Variants in MTMR4 observed in about 807,000 individuals in gnomAD.
The protein encoded by MTMR4 is myotubularin related protein 4.
Under a neutral mutation model 125.5 loss-of-function variants are expected in MTMR4, and 30 were observed. That is an observed-to-expected ratio of 0.24 (90% CI 0.18 to 0.32). The LOEUF (loss-of-function observed/expected upper bound fraction) is 0.32, where lower values mean the gene tolerates loss of function less well. Among genes scored for constraint, MTMR4 ranks in the 10% least tolerant of loss-of-function variants. MTMR4 has a pLI of 1.00. For missense variants in MTMR4, 1,039 were observed against 1,511.5 expected (o/e 0.69, Z 5.18); for synonymous variants, 498 against 564.5 (o/e 0.88, Z 1.67).
intron 7 of MTMR4, 33 bp from the exon 8 acceptor site, chr17:58,507,352 G>A (rs1458185858): frequency 6.3e-7 from 1 of 1,597,178 alleles, no homozygotes; most frequent in Non-Finnish European, 8.5e-7. Flanking sequence ...AATGCCCTTG[G>A]CATTCGAAGC....
upstream of MTMR4, chr17:58,514,952 C>T: frequency 3.2e-6 from 3 of 949,516 alleles, no homozygotes; most frequent in Non-Finnish European, 3.8e-6. Context: ...CTACCCGCAC[C>T]CCATTTGCTT....
intron 14 of MTMR4, among the ~76,000 whole-genome samples, chr17:58,498,501 AAGG>A (rs1337661784): frequency 3.9e-5 from 5 of 126,850 alleles, no homozygotes; most frequent in Non-Finnish European, 8.1e-5. Context: ...GAAGAAGAAG[AAGG>A]AGGAGGAGAA....
rs764814459 is a variant in MTMR4 at position 58,496,059 on chromosome 17, G to A, written c.2125C>T (p.His709Tyr). The A allele has an allele frequency of 1.2e-6, 2 of 1,614,052 alleles. No individual in the cohort carries two copies. The highest frequency in any genetic ancestry group is 1.7e-6 in the Non-Finnish European group (2 of 1,180,026). Residue 709 changes from histidine (H) to tyrosine (Y), a missense_variant, in exon 15 of 18, where the codon CAC becomes TAC. Coordinates refer to ENST00000682306, the MANE Select transcript of MTMR4 (RefSeq NM_001378067.1). Reference protein sequence around the residue: ...DYLSNKPFKSHKSCSPSYKLL... With the variant: ...DYLSNKPFKSYKSCSPSYKLL... Reference sequence around the variant, plus strand: ...TTGTAACTTGGAGAACAGCTTTTGTGACTCTTGAAAGGTTTATTGCTCAAG... The same window carrying A: ...TTGTAACTTGGAGAACAGCTTTTGTAACTCTTGAAAGGTTTATTGCTCAAG...
chr17:58,490,818 G>T lies in MTMR4; in HGVS notation c.*845C>A, dbSNP rs1209836959. The T allele has an allele frequency of 2.0e-5, 3 of 152,638 alleles. No homozygotes were observed. Among genetic ancestry groups the T allele is most frequent in the Non-Finnish European group, 4.4e-5 (3 of 68,038 alleles). The allele number at this position is 152,638 out of a possible 1,614,324, so 9.5% of individuals were successfully genotyped here. A position where few individuals can be genotyped will look rare whatever the true frequency, so the allele number is the denominator to read the frequency against. On this transcript the variant is annotated 3_prime_UTR_variant, in exon 18 of 18. Coordinates refer to ENST00000682306, the MANE Select transcript of MTMR4 (RefSeq NM_001378067.1). ...CACCAGGACAACTAGGAAAAGTCAGGTGCAAAGAGTAGGGCACAATCAGCA... is the reference window on the plus strand; with the variant it reads ...CACCAGGACAACTAGGAAAAGTCAGTTGCAAAGAGTAGGGCACAATCAGCA...
chr17:58,499,525 G>C (rs1975563508), intron 14 of MTMR4, among the ~76,000 whole-genome samples: 1 of 152,012 alleles, frequency 6.6e-6, no homozygotes, highest in Non-Finnish European at 1.5e-5. Flanking sequence ...CTGGGCAATG[G>C]AGCGAGAAAA....
chr17:58,492,748 G>T, intron 16 of MTMR4, 94 bp downstream of exon 16: 1 of 1,348,874 alleles, frequency 7.4e-7, no homozygotes, highest in Non-Finnish European at 1.1e-6. Flanking sequence ...CTCCTCTGGG[G>T]GACAGCTCAG....
At chr17:58,506,196 T>C (rs1371752558) in intron 9 of MTMR4, among the ~76,000 whole-genome samples, 1 of 152,224 alleles carries the variant, frequency 6.6e-6, no homozygotes, top group Admixed American at 6.5e-5. Context: ...CTTCTTTTTC[T>C]TTTTTAAGAC....
At chr17:58,507,918 T>TACACACACAC (rs57157273) in intron 7 of MTMR4, 1 of 341,462 alleles carries the variant, frequency 2.9e-6, no homozygotes, top group Non-Finnish European at 5.5e-6. Context: ...TACTATTTTA[T>TACACACACAC]ACACACACAC....
chr17:58,495,159 G>A lies in MTMR4; in HGVS notation c.3025C>T (p.Pro1009Ser), dbSNP rs764546661. 3.4e-5 allele frequency: 55 copies of A among 1,614,124 alleles called. 1 individual carries two copies. The highest frequency in any genetic ancestry group is 4.6e-5 in the Non-Finnish European group (54 of 1,180,060). ...GGAGAAGGGCAGTTCAGTGGAACGG[G>A]CTTTGTGCTAGAGACTTGCTTTGGA... ...SHPKQVSSTKPVPLNCPSPVP... is the reference protein window; with the variant it reads ...SHPKQVSSTKSVPLNCPSPVP... The change falls in exon 15 of 18, where the codon CCC becomes TCC. Residue 1009 changes from proline (P) to serine (S), a missense_variant. By Grantham distance (74) the Pro-to-Ser change is moderately conservative (BLOSUM62 -1). This residue lies in a region of MTMR4 where 619 missense variants were observed against 714.5 expected (regional missense o/e 0.87). Coordinates refer to ENST00000682306, the MANE Select transcript of MTMR4 (RefSeq NM_001378067.1).
intron 4 of MTMR4, among the ~76,000 whole-genome samples, chr17:58,509,735 G>A (rs924069722): frequency 1.3e-5 from 2 of 152,050 alleles, no homozygotes; most frequent in Admixed American, 1.3e-4. Context: ...GGAGTACTAA[G>A]CAACACATTT....
At chr17:58,501,698 A>G (rs1598217576) in intron 14 of MTMR4, among the ~76,000 whole-genome samples, 1 of 151,908 alleles carries the variant, frequency 6.6e-6, no homozygotes, top group East Asian at 1.9e-4. Flanking sequence ...GTATATATGT[A>G]TATATATCCT....
rs1975713621 is a variant in MTMR4, at chr17:58,504,099, G to A, written c.1649C>T (p.Ala550Val). Reference sequence around the variant, plus strand: ...GAAGTTATGAAAGTTTTTATTGCCAGCTCGAAGGAGCGCCCACACAGAGCA... The same window carrying A: ...GAAGTTATGAAAGTTTTTATTGCCAACTCGAAGGAGCGCCCACACAGAGCA... The part of the protein sequence containing the change: ...RTCSVWALLR[A>V]GNKNFHNFLY... The change falls in exon 13 of 18, where the codon GCT (alanine) becomes GTT (valine). Residue 550 changes from alanine (A) to valine (V), a missense_variant. Physicochemically the swap from Ala to Val is moderately conservative, Grantham distance 64 (BLOSUM62 0). Around this residue, in one of 6 missense-constraint regions of MTMR4, gnomAD observed 619 missense variants for 714.5 expected, o/e 0.87. Transcript: ENST00000682306. The surrounding 1 kb of genome is among the most constrained non-coding windows in gnomAD (Gnocchi z 7.1). 2 of 1,591,360 alleles carry A rather than the reference G, an allele frequency of 1.3e-6. No homozygotes were observed. Among genetic ancestry groups the A allele is most frequent in the South Asian group, 1.1e-5 (1 of 87,636 alleles).
At chr17:58,499,684 C>G (rs559719811) in intron 14 of MTMR4, among the ~76,000 whole-genome samples, 4 of 150,920 alleles carry the variant, frequency 2.7e-5, no homozygotes, top group African/African-American at 9.8e-5. Flanking sequence ...TGCAGTGGCG[C>G]GATCTCTGCT....
At chr17:58,517,038 A>C (rs1287953168), upstream of MTMR4, among the ~76,000 whole-genome samples, 1 of 152,238 alleles carries the variant, frequency 6.6e-6, no homozygotes, top group African/African-American at 2.4e-5. Flanking sequence ...GCATGAATCC[A>C]CAGGAATGTT....
chr17:58,495,875 G>A lies in MTMR4; in HGVS notation c.2309C>T (p.Pro770Leu). 1 of 1,614,152 alleles carries A rather than the reference G, an allele frequency of 6.2e-7. No homozygotes were observed. The highest frequency in any genetic ancestry group is 1.1e-5 in the South Asian group (1 of 91,084). Residue 770 changes from proline (P) to leucine (L), a missense_variant, in exon 15 of 18, where the codon CCT (proline) becomes CTT (leucine). Physicochemically the swap from Pro to Leu is moderately conservative, Grantham distance 98. This residue lies in a region of MTMR4 where 619 missense variants were observed against 714.5 expected (regional missense o/e 0.87). Transcript: ENST00000682306. ...DGIGEPPEHC[P>L]ETEAVSALSK... The stretch of plus-strand genomic sequence containing the variant: ...GAGTGCACTGACAGCTTCTGTTTCA[G>A]GACAATGTTCAGGTGGCTCCCCTAT...
At chr17:58,511,384 C>T (rs1455091399) in intron 4 of MTMR4, 45 bp downstream of exon 4, 1 of 1,527,558 alleles carries the variant, frequency 6.5e-7, no homozygotes, top group South Asian at 1.2e-5. Context: ...GAGAACTGGA[C>T]AAGACTAGGG....
Position 58,508,768 on chromosome 17 carries a change from T to G in MTMR4, c.409A>C (p.Lys137Gln), listed in dbSNP as rs889390977. 4.3e-6 allele frequency: 7 copies of G among 1,614,062 alleles called. No individual in the cohort carries two copies. In the Admixed American group the frequency reaches 8.3e-5, roughly 19 times the overall value. ...GCAAAGGCAAAGAGGTCTTCAGGCT[T>G]GGCAGGTCTTGCTGTGGCTCGGCTT... is the stretch of plus-strand genomic sequence containing the variant. ...RLSRATARPA[K>Q]PEDLFAFAYH... The change falls in exon 5 of 18, where the codon AAG (lysine) becomes CAG (glutamine). Residue 137 changes from lysine (K) to glutamine (Q), a missense_variant. Lys to Gln is a moderately conservative substitution (Grantham distance 53). Transcript: ENST00000682306. The surrounding 1 kb of genome is among the most constrained non-coding windows in gnomAD (Gnocchi z 4.8).
chr17:58,512,905 C>CTTGGATGTA lies in MTMR4; in HGVS notation c.73_81dup (p.Tyr25_Gln27dup). ...TCCTTGGGGGGGAACAGATCCTTGG[C>CTTGGATGTA]TTGGATGTACTCCAGGCTGGGGGGC... On this transcript the variant is annotated inframe_insertion, in exon 2 of 18. Transcript: ENST00000682306. The surrounding 1 kb of genome is among the most constrained non-coding windows in gnomAD (Gnocchi z 4.1). 6.2e-7 allele frequency: 1 copy of CTTGGATGTA among 1,611,082 alleles called. No homozygotes were observed. Among genetic ancestry groups the CTTGGATGTA allele is most frequent in the Non-Finnish European group, 8.5e-7 (1 of 1,179,028 alleles).
Position 58,495,845 on chromosome 17 carries a change from T to C in MTMR4, c.2339A>G (p.Lys780Arg). 1 of 1,614,156 alleles carries C rather than the reference T, an allele frequency of 6.2e-7. No homozygotes were observed. The highest frequency in any genetic ancestry group is 8.5e-7 in the Non-Finnish European group (1 of 1,180,034). Residue 780 changes from lysine (K) to arginine (R), a missense_variant, in exon 15 of 18, where the codon AAG (lysine) becomes AGG (arginine). Coordinates refer to ENST00000682306, the MANE Select transcript of MTMR4 (RefSeq NM_001378067.1). Reference sequence around the variant, plus strand: ...TCCATCACACTTGTTAGAAATGACCTTGGAGAGTGCACTGACAGCTTCTGT... The same window carrying C: ...TCCATCACACTTGTTAGAAATGACCCTGGAGAGTGCACTGACAGCTTCTGT... ...PETEAVSALSKVISNKCDGVC... is the reference protein window; with the variant it reads ...PETEAVSALSRVISNKCDGVC...
Sources: gnomAD v4.1 joint callset for allele counts (sites outside exome capture counted in the v4.1 genomes callset) on GRCh38, gnomAD v4.1.1 for gene constraint, gnomAD v4.1.1 regional missense constraint, Gnocchi (gnomAD v3.1) non-coding constraint, MANE v1.5 for transcripts, NCBI Gene and HGNC (gene_info 2026-07-23, HGNC 2026-07-21) for gene names.